SHC4: variants seen among roughly 807,000 people sequenced by gnomAD.
The protein encoded by SHC4 is SHC-transforming protein 4.
A neutral mutation model predicts 69.4 loss-of-function variants in SHC4; 41 were observed. That is an observed-to-expected ratio of 0.59 (90% CI 0.46 to 0.77). SHC4 has a LOEUF of 0.77. Ranked by LOEUF, SHC4 falls within the 30% of genes least tolerant of loss-of-function variation. The pLI is 0.00. For missense variants in SHC4, 777 were observed against 783.8 expected (o/e 0.99, Z 0.10); for synonymous variants, 318 against 299.3 (o/e 1.06, Z -0.64).
rs183161090 is a variant in SHC4, at chr15:48,954,296, G to A, written c.585+8135C>T. 7.0e-4 allele frequency among the ~76,000 whole-genome samples: 106 copies of A among 152,248 alleles called. 1 individual carries two copies. The highest frequency in any genetic ancestry group is 2.9e-4 in the Non-Finnish European group (20 of 68,022). On this transcript the variant is annotated intron_variant, in intron 1 of 11. Coordinates refer to ENST00000332408, the MANE Select transcript of SHC4 (RefSeq NM_203349.4). The stretch of plus-strand genomic sequence containing the variant: ...CCCTTGAGTGGCAAAATAATCCCCC[G>A]TTGAGAACCATTGCTCTGACTGGAC...
At chr15:48,917,664 G>C (rs1332389988) in intron 2 of SHC4, among the ~76,000 whole-genome samples, 1 of 152,142 alleles carries the variant, frequency 6.6e-6, no homozygotes, top group Non-Finnish European at 1.5e-5. Context: ...AGCCATTCAA[G>C]TGGCTCCCCC....
chr15:48,946,841 T>C (rs1361951289), intron 1 of SHC4, among the ~76,000 whole-genome samples: 1 of 152,238 alleles, frequency 6.6e-6, no homozygotes, highest in Non-Finnish European at 1.5e-5. Flanking sequence ...AATAAGAGTT[T>C]CTTTGTTTTT....
chr15:48,862,608 A>T (rs986143816), intron 6 of SHC4, among the ~76,000 whole-genome samples: 1 of 152,010 alleles, frequency 6.6e-6, no homozygotes, highest in Non-Finnish European at 1.5e-5. Flanking sequence ...GCTCATCTCC[A>T]CTTCCTGTCA....
chr15:48,958,997 T>TG (rs781499318), intron 1 of SHC4, among the ~76,000 whole-genome samples: 14 of 152,194 alleles, frequency 9.2e-5, no homozygotes, highest in Non-Finnish European at 1.6e-4. Context: ...TCAAAACAGG[T>TG]GGTCAGGATT....
chr15:48,963,443 C>A lies in SHC4; in HGVS notation c.-428G>T. On this transcript the variant is annotated 5_prime_UTR_variant, in exon 1 of 12. Transcript: ENST00000332408. ...CCCACCCTCACCCCAGCCTTCTGTTCTGCACACAGGAACTTTCGAACCTGC... is the reference window on the plus strand; with the variant it reads ...CCCACCCTCACCCCAGCCTTCTGTTATGCACACAGGAACTTTCGAACCTGC... The A allele has an allele frequency of 5.5e-6, 1 of 182,520 alleles. No individual in the cohort carries two copies. Among genetic ancestry groups the A allele is most frequent in the South Asian group, 1.5e-4 (1 of 6,672 alleles). The allele number at this position is 182,520 out of a possible 1,614,324, so 11.3% of individuals were successfully genotyped here. A position where few individuals can be genotyped will look rare whatever the true frequency, so the allele number is the denominator to read the frequency against.
intron 6 of SHC4, among the ~76,000 whole-genome samples, chr15:48,866,365 C>T (rs1315633668): frequency 6.6e-6 from 1 of 152,170 alleles, no homozygotes; most frequent in Non-Finnish European, 1.5e-5. Flanking sequence ...TGTTTATCCT[C>T]TGTTCCTTCC....
intron 1 of SHC4, among the ~76,000 whole-genome samples, chr15:48,934,342 A>G: frequency 6.6e-6 from 1 of 152,196 alleles, no homozygotes. Context: ...AAGATGTTCA[A>G]TATAATTTAC....
intron 1 of SHC4, among the ~76,000 whole-genome samples, chr15:48,928,540 G>C (rs1389537228): frequency 6.6e-6 from 1 of 152,114 alleles, no homozygotes; most frequent in Admixed American, 6.5e-5. Flanking sequence ...CAAAGTGAAG[G>C]CTATTCTCAG....
Position 48,962,931 on chromosome 15 carries a change from T to A in SHC4, c.85A>T (p.Lys29Ter). Residue 29 changes from lysine (K) to a stop codon, truncating the protein, a stop_gained, in exon 1 of 12, where the codon AAG (lysine) becomes TAG (stop). Transcript: ENST00000332408. LOFTEE classifies it high-confidence loss of function. ...GACTCGTTCCGAAAGCGGCTGTACT[T>A]GGCCCTGTGCAGCATCCCGGGGTGC... is the stretch of plus-strand genomic sequence containing the variant. ...FGHPGMLHRA[K>*]YSRFRNESIT... The A allele has an allele frequency of 6.2e-7, 1 of 1,613,288 alleles. No individual in the cohort carries two copies. Among genetic ancestry groups the A allele is most frequent in the Non-Finnish European group, 8.5e-7 (1 of 1,180,036 alleles).
At chr15:48,960,923 C>A (rs1901536317) in intron 1 of SHC4, among the ~76,000 whole-genome samples, 1 of 152,068 alleles carries the variant, frequency 6.6e-6, no homozygotes, top group Non-Finnish European at 1.5e-5. Context: ...TCAATCACAA[C>A]CCCAATAAAC....
rs1374493531 is a variant in SHC4 at position 48,876,562 on chromosome 15, C to T, written c.841-4420G>A. On this transcript the variant is annotated intron_variant, in intron 4 of 11. Coordinates refer to ENST00000332408, the MANE Select transcript of SHC4 (RefSeq NM_203349.4). ...TATTAACTCACATGATCACAAGGTC[C>T]TACAATAGGCTGTCTGCAGGCTAAG... 4 of 688,400 alleles carry T rather than the reference C, an allele frequency of 5.8e-6. No individual in the cohort carries two copies. In the Admixed American group the frequency reaches 8.4e-5, roughly 14 times the overall value. 42.6% of individuals were successfully genotyped at this position (688,400 alleles called of 1,614,324 possible). A position where few individuals can be genotyped will look rare whatever the true frequency, so the allele number is the denominator to read the frequency against.
At chr15:48,853,672 A>G (rs994803539) in intron 8 of SHC4, among the ~76,000 whole-genome samples, 7 of 152,222 alleles carry the variant, frequency 4.6e-5, no homozygotes, top group Admixed American at 2.6e-4. Context: ...TAGAGAACCC[A>G]GAAATAAAGC....
At chr15:48,938,085 G>A (rs1901106748) in intron 1 of SHC4, among the ~76,000 whole-genome samples, 5 of 152,166 alleles carry the variant, frequency 3.3e-5, no homozygotes, top group Admixed American at 3.3e-4. Context: ...AGGAAACCAG[G>A]AATGCTACTC....
rs138868065 is a variant in SHC4, at chr15:48,922,088, C to T, written c.656+2791G>A. On this transcript the variant is annotated intron_variant, in intron 2 of 11. Coordinates refer to ENST00000332408, the MANE Select transcript of SHC4 (RefSeq NM_203349.4). ...GAAAATAAAATAAAATTTAAAAACC[C>T]GCCACCTAAATCTCTATCCTCATTC... Among the ~76,000 whole-genome samples, 39 of 152,242 alleles carry T rather than the reference C, an allele frequency of 2.6e-4. No individual in the cohort carries two copies. In the East Asian group the frequency reaches 7.1e-3, roughly 28 times the overall value.
intron 5 of SHC4, among the ~76,000 whole-genome samples, chr15:48,871,811 T>G (rs764963296): frequency 1.1e-4 from 17 of 152,356 alleles, no homozygotes; most frequent in Admixed American, 5.2e-4. Context: ...AGAAGCTTAT[T>G]AGATGATAAC....
intron 1 of SHC4, among the ~76,000 whole-genome samples, chr15:48,947,014 C>T (rs1299034343): frequency 1.3e-5 from 2 of 152,110 alleles, no homozygotes; most frequent in African/African-American, 4.8e-5. Flanking sequence ...ATATATAATG[C>T]TTATGCTAGG....
At position 48,884,279 on chromosome 15, in the gene SHC4, C is replaced by G; in HGVS notation, c.809G>C (p.Ser270Thr). The part of the protein sequence containing the change: ...MNIKLTISTC[S>T]LTLMNLDNQQ... The stretch of plus-strand genomic sequence containing the variant: ...GTTGTCAAGATTCATCAATGTGAGA[C>G]TGCATGTTGAGATGGTCAGTTTTAT... Residue 270 changes from serine to threonine, a missense_variant, in exon 4 of 12, where the codon AGT (serine) becomes ACT (threonine). Physicochemically the swap from Ser to Thr is moderately conservative, Grantham distance 58 (BLOSUM62 1). Transcript: ENST00000332408. The G allele has an allele frequency of 6.2e-7, 1 of 1,610,344 alleles. No individual in the cohort carries two copies. The highest frequency in any genetic ancestry group is 8.5e-7 in the Non-Finnish European group (1 of 1,178,716).
intron 9 of SHC4, among the ~76,000 whole-genome samples, chr15:48,845,733 C>A (rs1237594792): frequency 6.6e-6 from 1 of 152,024 alleles, no homozygotes; most frequent in Non-Finnish European, 1.5e-5. Context: ...TCAATAAATG[C>A]TCTAAATGCA....
At chr15:48,926,395 G>C (rs1900854423) in intron 1 of SHC4, among the ~76,000 whole-genome samples, 1 of 151,928 alleles carries the variant, frequency 6.6e-6, no homozygotes, top group African/African-American at 2.4e-5. Context: ...CAAAAACACT[G>C]TCAAAAGATG....
Sources: gnomAD v4.1 joint callset for allele counts (sites outside exome capture counted in the v4.1 genomes callset) on GRCh38, gnomAD v4.1.1 for gene constraint, MANE v1.5 for transcripts, NCBI Gene and HGNC (gene_info 2026-07-23, HGNC 2026-07-21) for gene names.